CNBD1: variants seen among roughly 807,000 people sequenced by gnomAD.
CNBD1 encodes cyclic nucleotide-binding domain-containing protein 1.
A neutral mutation model predicts 54.4 loss-of-function variants in CNBD1; 71 were observed. That is an observed-to-expected ratio of 1.30 (90% CI 1.08 to 1.59). CNBD1 has a LOEUF of 1.59. CNBD1 is among the 40% of genes most tolerant of loss of function. The pLI, the probability that CNBD1 is intolerant of heterozygous loss-of-function variation, is 0.00. For synonymous variants in CNBD1, 182 were observed against 170.7 expected, an observed-to-expected ratio of 1.07 and a Z score of -0.51; for missense variants, 659 against 518.0, an observed-to-expected ratio of 1.27 and a Z score of -2.64.
chr8:86,966,156 C>T (rs1449031645), intron 4 of CNBD1, among the ~76,000 whole-genome samples: 1 of 152,176 alleles, frequency 6.6e-6, no homozygotes, highest in African/African-American at 2.4e-5. Context: ...AGTCTGGCCC[C>T]CAGCCTTCGG....
intron 2 of CNBD1, among the ~76,000 whole-genome samples, chr8:87,408,997 A>G (rs1272863782): frequency 6.6e-6 from 1 of 152,120 alleles, no homozygotes; most frequent in Admixed American, 6.6e-5. Context: ...AGGCCAATTA[A>G]TAACCATACA....
intron 4 of CNBD1, among the ~76,000 whole-genome samples, chr8:87,066,883 C>T (rs982888975): frequency 1.1e-4 from 17 of 151,576 alleles, no homozygotes; most frequent in Admixed American, 3.3e-4. Context: ...TTACAATCAC[C>T]GATGTAATTA....
chr8:87,284,884 T>A, intron 7 of CNBD1, 69 bp downstream of exon 7: 1 of 1,129,712 alleles, frequency 8.9e-7, no homozygotes, highest in South Asian at 1.7e-5. Context: ...TTTGATTCTC[T>A]AGACAAAGAC....
At chr8:87,390,108 T>A (rs1364658998) in intron 2 of CNBD1, among the ~76,000 whole-genome samples, 1 of 151,186 alleles carries the variant, frequency 6.6e-6, no homozygotes, top group Non-Finnish European at 1.5e-5. Flanking sequence ...CAAGATGGAT[T>A]AAAGACTTAA....
intron 4 of CNBD1, among the ~76,000 whole-genome samples, chr8:86,947,125 C>T (rs1807488488): frequency 6.6e-6 from 1 of 152,112 alleles, no homozygotes; most frequent in South Asian, 2.1e-4. Flanking sequence ...CTGGGTCTAT[C>T]TGCAGAGAAG....
intron 4 of CNBD1, among the ~76,000 whole-genome samples, chr8:87,076,452 T>A (rs536542292): frequency 1.3e-5 from 2 of 152,296 alleles, no homozygotes; most frequent in African/African-American, 2.4e-5. Flanking sequence ...ATGGAACTTT[T>A]TTTTTTTTGA....
At chr8:87,387,958 A>G (rs1454584630) in intron 2 of CNBD1, among the ~76,000 whole-genome samples, 2 of 152,206 alleles carry the variant, frequency 1.3e-5, no homozygotes, top group Non-Finnish European at 2.9e-5. Context: ...AACTGACTCA[A>G]AACCGCTCAA....
intron 6 of CNBD1, among the ~76,000 whole-genome samples, chr8:87,274,381 C>T (rs1208269548): frequency 2.0e-5 from 3 of 146,666 alleles, no homozygotes; most frequent in Non-Finnish European, 4.5e-5. Context: ...GTTTACAGTC[C>T]CACCAACAGT....
At chr8:87,343,881 A>G (rs796883487) in intron 8 of CNBD1, among the ~76,000 whole-genome samples, 14 of 152,134 alleles carry the variant, frequency 9.2e-5, no homozygotes, top group African/African-American at 2.9e-4. Flanking sequence ...TTTTTTTCCT[A>G]AGAAAATTTT....
chr8:86,932,116 C>A (rs1447122021), intron 3 of CNBD1, among the ~76,000 whole-genome samples: 1 of 152,134 alleles, frequency 6.6e-6, no homozygotes, highest in African/African-American at 2.4e-5. Context: ...TCTCGGGCTG[C>A]AGCTAAAGCC....
At chr8:87,071,366 G>A (rs1810756193) in intron 4 of CNBD1, among the ~76,000 whole-genome samples, 3 of 152,052 alleles carry the variant, frequency 2.0e-5, no homozygotes, top group Admixed American at 2.0e-4. Flanking sequence ...ACATTTCTGA[G>A]AATCCTTAAC....
At chr8:87,233,908 G>A (rs1264194530) in intron 5 of CNBD1, among the ~76,000 whole-genome samples, 1 of 152,168 alleles carries the variant, frequency 6.6e-6, no homozygotes, top group Admixed American at 6.5e-5. Flanking sequence ...ATTTGAGTAA[G>A]TTCTCTCAAA....
At chr8:86,998,966 A>T (rs865918985) in intron 4 of CNBD1, among the ~76,000 whole-genome samples, 1 of 152,188 alleles carries the variant, frequency 6.6e-6, no homozygotes, top group Non-Finnish European at 1.5e-5. Context: ...TGGAAAACGA[A>T]TTCCTCATCC....
chr8:86,975,710 G>A (rs977682687), intron 4 of CNBD1, among the ~76,000 whole-genome samples: 7 of 151,926 alleles, frequency 4.6e-5, no homozygotes, highest in African/African-American at 1.7e-4. Flanking sequence ...TTATCTCTTT[G>A]ACGTGCTGAT....
At chr8:86,937,423 T>C (rs375180970) in intron 3 of CNBD1, among the ~76,000 whole-genome samples, 6 of 152,240 alleles carry the variant, frequency 3.9e-5, no homozygotes, top group South Asian at 2.1e-4. Context: ...TCAAAACCAA[T>C]TGTACCTTCC....
At chr8:87,304,831 A>C (rs1277850803) in intron 8 of CNBD1, among the ~76,000 whole-genome samples, 2 of 152,094 alleles carry the variant, frequency 1.3e-5, no homozygotes, top group African/African-American at 4.8e-5. Flanking sequence ...AGTTGAAAAC[A>C]TTCCTTCTGA....
intron 5 of CNBD1, among the ~76,000 whole-genome samples, chr8:87,226,566 A>T (rs1353059978): frequency 6.8e-6 from 1 of 147,742 alleles, no homozygotes; most frequent in African/African-American, 2.7e-5. Context: ...TGAGATTCTT[A>T]ATCCTGAGTT....
intron 4 of CNBD1, among the ~76,000 whole-genome samples, chr8:87,115,786 G>A (rs1811755031): frequency 6.6e-6 from 1 of 152,152 alleles, no homozygotes; most frequent in Admixed American, 6.5e-5. Context: ...ATCTCTAAAA[G>A]GTCAAAGATA....
chr8:87,330,448 G>A (rs570045243), intron 8 of CNBD1, among the ~76,000 whole-genome samples: 2 of 151,500 alleles, frequency 1.3e-5, no homozygotes, highest in South Asian at 4.2e-4. Context: ...CTCTAAGCAT[G>A]GATTTTGCTG....
Sources: allele counts gnomAD v4.1 joint callset (sites outside exome capture counted in the v4.1 genomes callset), GRCh38; gene constraint gnomAD v4.1.1; transcripts MANE v1.5; gene names NCBI Gene and HGNC (gene_info 2026-07-23, HGNC 2026-07-21).